The following FGFR3 variants were observed in gnomAD, a reference collection of about 807,000 sequenced individuals.
The protein encoded by FGFR3 is fibroblast growth factor receptor 3.
A neutral mutation model predicts 82.9 loss-of-function variants in FGFR3; 25 were observed. That is an observed-to-expected ratio of 0.30 (90% confidence interval 0.22 to 0.42). FGFR3 has a LOEUF of 0.42. Ranked by LOEUF, FGFR3 falls within the 10% of genes least tolerant of loss-of-function variation. The probability of loss-of-function intolerance (pLI) is 1.00; values close to 1 mark genes in which losing one functional copy is unlikely to be tolerated. For missense variants in FGFR3, 1,026 were observed against 1,161.0 expected (o/e 0.88, Z 1.69); for synonymous variants, 620 against 516.0 (o/e 1.20, Z -2.73).
At chr4:1,806,424 C>T (rs751949840) in intron 15 of FGFR3, 97 bp downstream of exon 15, 6 of 1,603,214 alleles carry the variant, frequency 3.7e-6, no homozygotes, top group Non-Finnish European at 4.3e-6. Context: ...CCCTGGAGCT[C>T]CTGGGTGTGG....
Position 1,806,941 on chromosome 4 carries a change from G to GCTGGCTCT in FGFR3, c.2274+8_2274+15dup, listed in dbSNP as rs1484805320. On this transcript the variant is annotated splice_region_variant and intron_variant, in intron 17 of 17. Transcript: ENST00000440486. Reference sequence around the variant, plus strand: ...TACCGTGACGTCCACCGACGTGAGTGCTGGCTCTGGCCTGGTGCCACCCGC... The same window carrying GCTGGCTCT: ...TACCGTGACGTCCACCGACGTGAGTGCTGGCTCTCTGGCTCTGGCCTGGTGCCACCCGC... The GCTGGCTCT allele has an allele frequency of 2.5e-6, 4 of 1,591,538 alleles. No individual in the cohort carries two copies. In the East Asian group the frequency reaches 9.2e-5, roughly 36 times the overall value.
At chr4:1,805,695 C>G (rs3135896) in intron 12 of FGFR3, 26 bp downstream of exon 12, 4 of 1,611,324 alleles carry the variant, frequency 2.5e-6, no homozygotes, top group Non-Finnish European at 3.4e-6. Context: ...GCGGTGGTGC[C>G]GGCTGGGCGG....
In FGFR3 at chr4:1,806,817, C is replaced by T. The variant is rs1721984738; in HGVS notation, c.2169-12C>T. Reference sequence around the variant, plus strand: ...AAGCGGCGGGGCTCACTCCTGAGCGCCCTGCCCGCAGGTACATGATCATGC... The same window carrying T: ...AAGCGGCGGGGCTCACTCCTGAGCGTCCTGCCCGCAGGTACATGATCATGC... On this transcript the variant is annotated splice_polypyrimidine_tract_variant and intron_variant, in intron 16 of 17. Transcript: ENST00000440486. 3 of 1,595,152 alleles carry T rather than the reference C, an allele frequency of 1.9e-6. No homozygotes were observed. The highest frequency in any genetic ancestry group is 2.6e-6 in the Non-Finnish European group (3 of 1,171,778).
intron 2 of FGFR3, among the ~76,000 whole-genome samples, chr4:1,798,725 C>A (rs190154686): frequency 6.6e-6 from 1 of 152,212 alleles, no homozygotes; most frequent in Admixed American, 6.5e-5. Flanking sequence ...TGAGGACGGA[C>A]CCCTCCTGGG....
chr4:1,804,592 G>T (rs983825070), intron 9 of FGFR3, 72 bp downstream of exon 9: 3 of 1,584,506 alleles, frequency 1.9e-6, no homozygotes, highest in Non-Finnish European at 2.6e-6. Flanking sequence ...CTCGGCCCAC[G>T]CTGGTCCTGG....
chr4:1,799,077 C>T (rs1371443618), intron 2 of FGFR3, among the ~76,000 whole-genome samples, 177 bp from the exon 3 acceptor site: 1 of 152,184 alleles, frequency 6.6e-6, no homozygotes, highest in Non-Finnish European at 1.5e-5. Flanking sequence ...GTTGGCAAAG[C>T]TGAAGATAGA....
In FGFR3 at chr4:1,807,005, C is replaced by T. The variant is rs1046749922; in HGVS notation, c.2274+71C>T. 3.9e-6 allele frequency: 6 copies of T among 1,554,946 alleles called. No individual in the cohort carries two copies. The African/African-American group carries it at 8.2e-5, about 21-fold the overall frequency. On this transcript the variant is annotated intron_variant, in intron 17 of 17. Transcript: ENST00000440486. ...CCTGCCGTCCCCGGCCATCCTGCCC[C>T]CCAGAGTGCTGAGGTGTGGGGCGGG...
intron 5 of FGFR3, 38 bp downstream of exon 5, chr4:1,801,574 G>T: frequency 6.3e-7 from 1 of 1,580,984 alleles, no homozygotes; most frequent in Non-Finnish European, 8.6e-7. Context: ...TGGCAGGCGC[G>T]GTGGTTGCTG....
intron 7 of FGFR3, chr4:1,802,959 G>A: frequency 6.2e-7 from 1 of 1,603,340 alleles, no homozygotes; most frequent in Non-Finnish European, 8.5e-7. Context: ...CCTCCGCCTG[G>A]CCAATGTGTC....
chr4:1,798,925 C>G (rs1203389512), intron 2 of FGFR3, among the ~76,000 whole-genome samples: 3 of 152,228 alleles, frequency 2.0e-5, no homozygotes, highest in Non-Finnish European at 4.4e-5. Context: ...AACGAAGAGT[C>G]ACATTTTGTG....
intron 10 of FGFR3, 93 bp downstream of exon 10, chr4:1,805,062 C>A: frequency 1.4e-6 from 2 of 1,455,938 alleles, no homozygotes; most frequent in Non-Finnish European, 1.8e-6. Flanking sequence ...GTTTAGGGGC[C>A]GTCAGGGATG....
chr4:1,799,499 T>G lies in FGFR3; in HGVS notation c.355T>G (p.Cys119Gly). ...CRQRLTQRVL[C>G]HFSVRVTDAP... Reference sequence around the variant, plus strand: ...GCAGCGGCTCACGCAGCGCGTACTGTGCCACTTCAGTGTGCGGGTGACAGG... The same window carrying G: ...GCAGCGGCTCACGCAGCGCGTACTGGGCCACTTCAGTGTGCGGGTGACAGG... Residue 119 changes from cysteine to glycine, a missense_variant, in exon 3 of 18, where the codon TGC becomes GGC. By Grantham distance (159) the Cys-to-Gly change is radical (BLOSUM62 -3). Coordinates refer to ENST00000440486, the MANE Select transcript of FGFR3 (RefSeq NM_000142.5). 1 of 1,563,678 alleles carries G rather than the reference T, an allele frequency of 6.4e-7. No homozygotes were observed. Among genetic ancestry groups the G allele is most frequent in the Non-Finnish European group, 8.7e-7 (1 of 1,154,924 alleles).
rs772193113 is a variant in FGFR3 at position 1,807,221 on chromosome 4, C to A, written c.2380C>A (p.Leu794Met). 2 of 1,608,210 alleles carry A rather than the reference C, an allele frequency of 1.2e-6. No individual in the cohort carries two copies. Among genetic ancestry groups the A allele is most frequent in the Admixed American group, 3.4e-5 (2 of 59,644 alleles). Residue 794 changes from leucine (L) to methionine (M), a missense_variant, in exon 18 of 18, where the codon CTG (leucine) becomes ATG (methionine). Physicochemically the swap from Leu to Met is conservative, Grantham distance 15 (BLOSUM62 2). Coordinates refer to ENST00000440486, the MANE Select transcript of FGFR3 (RefSeq NM_000142.5). ...CGACTCCGTGTTTGCCCACGACCTGCTGCCCCCGGCCCCACCCAGCAGTGG... is the reference window on the plus strand; with the variant it reads ...CGACTCCGTGTTTGCCCACGACCTGATGCCCCCGGCCCCACCCAGCAGTGG... ...GDDSVFAHDL[L>M]PPAPPSSGGS...
At chr4:1,799,104 G>A in intron 2 of FGFR3, 150 bp from the exon 3 acceptor site, 2 of 1,094,506 alleles carry the variant, frequency 1.8e-6, no homozygotes, top group South Asian at 1.3e-5. Flanking sequence ...TGGCCCTTTT[G>A]GGACACAGTT....
intron 2 of FGFR3, among the ~76,000 whole-genome samples, chr4:1,798,628 C>T (rs960366200): frequency 6.6e-6 from 1 of 151,108 alleles, no homozygotes; most frequent in Non-Finnish European, 1.5e-5. Context: ...GGCCACGTGA[C>T]CCTGCACCTC....
At position 1,805,664 on chromosome 4, in the gene FGFR3, A is replaced by G. The variant is rs2108803678; in HGVS notation, c.1640A>G (p.Gln547Arg). 2 of 1,612,872 alleles carry G rather than the reference A, an allele frequency of 1.2e-6. No homozygotes were observed. Among genetic ancestry groups the G allele is most frequent in the Admixed American group, 1.7e-5 (1 of 59,998 alleles). The change falls in exon 12 of 18, where the codon CAG becomes CGG. Residue 547 changes from glutamine to arginine, a missense_variant. This residue lies in a region of FGFR3 where 164 missense variants were observed against 167.5 expected (regional missense o/e 0.98). Coordinates refer to ENST00000440486, the MANE Select transcript of FGFR3 (RefSeq NM_000142.5). The part of the protein sequence containing the change: ...NIINLLGACT[Q>R]GGPLYVLVEY... ...ATCAACCTGCTGGGCGCCTGCACGC[A>G]GGGCGGTAGGTGCGGTAGCGGCGGT... is the stretch of plus-strand genomic sequence containing the variant.
intron 5 of FGFR3, 23 bp downstream of exon 5, chr4:1,801,559 G>C: frequency 6.3e-7 from 1 of 1,575,960 alleles, no homozygotes; most frequent in African/African-American, 1.3e-5. Context: ...GGGTGGCTCT[G>C]GGCCTGGCAG....
rs1382485735 is a variant in FGFR3, at chr4:1,793,913, C to T, written c.-22C>T. The T allele has an allele frequency of 5.2e-6, 6 of 1,157,168 alleles. No individual in the cohort carries two copies. Among genetic ancestry groups the T allele is most frequent in the Non-Finnish European group, 1.1e-6 (1 of 914,026 alleles). The allele number at this position is 1,157,168 out of a possible 1,614,324, so 71.7% of individuals were successfully genotyped here. On this transcript the variant is annotated 5_prime_UTR_variant, in exon 2 of 18. The change creates a new upstream start codon in the 5' untranslated region. Transcript: ENST00000440486. Reference sequence around the variant, plus strand: ...CATGCCCGCGCGCGCTGCCTGAGGACGCCGCGGCCCCCGCCCCCGCCATGG... The same window carrying T: ...CATGCCCGCGCGCGCTGCCTGAGGATGCCGCGGCCCCCGCCCCCGCCATGG...
At position 1,801,463 on chromosome 4, in the gene FGFR3, A is replaced by T. The variant is rs1309541150; in HGVS notation, c.542A>T (p.Asn181Ile). Residue 181 changes from asparagine to isoleucine, a missense_variant, in exon 5 of 18, where the codon AAC becomes ATC. Transcript: ENST00000440486. Reference sequence around the variant, plus strand: ...CGCTTCCGCTGCCCAGCCGCTGGCAACCCCACTCCCTCCATCTCCTGGCTG... The same window carrying T: ...CGCTTCCGCTGCCCAGCCGCTGGCATCCCCACTCCCTCCATCTCCTGGCTG... ...TVRFRCPAAG[N>I]PTPSISWLKN... The T allele has an allele frequency of 6.4e-7, 1 of 1,553,972 alleles. No individual in the cohort carries two copies. The highest frequency in any genetic ancestry group is 8.7e-7 in the Non-Finnish European group (1 of 1,148,986).
Sources: gnomAD v4.1 joint callset for allele counts (sites outside exome capture counted in the v4.1 genomes callset) on GRCh38, gnomAD v4.1.1 for gene constraint, gnomAD v4.1.1 regional missense constraint, MANE v1.5 for transcripts, NCBI Gene and HGNC (gene_info 2026-07-23, HGNC 2026-07-21) for gene names.